RAP1GAP2: variants seen among roughly 807,000 people sequenced by gnomAD.
RAP1GAP2 encodes rap1 GTPase-activating protein 2.
In RAP1GAP2, 27 loss-of-function variants were observed where a neutral mutation model predicts 95.0. The ratio of observed to expected loss-of-function variants is 0.28; its 90% CI spans 0.21 to 0.39. The LOEUF is 0.39. Ranked by LOEUF, RAP1GAP2 falls within the 10% of genes least tolerant of loss-of-function variation. The pLI is 1.00. For missense variants in RAP1GAP2, 771 were observed against 970.0 expected (o/e 0.79, Z 2.72); for synonymous variants, 373 against 380.9 (o/e 0.98, Z 0.24).
rs375247536 is a variant in RAP1GAP2, at chr17:2,965,593, C to T, written c.546C>T (p.Ser182=). The change falls in exon 8 of 25, where the codon TCC becomes TCT. Residue 182 remains serine, a synonymous_variant. Coordinates refer to ENST00000254695, the MANE Select transcript of RAP1GAP2 (RefSeq NM_015085.5). This position sits in a 1 kb window ranked among gnomAD's most constrained non-coding sequence, Gnocchi z 4.7. ...GCAGCCTGGGGAACTTGATCCTGTC[C>T]GTCAAGTGCGAGGAAGCAGAGGGGA... ...TGSSLGNLIL[S]VKCEEAEGIE... The T allele has an allele frequency of 4.7e-5, 75 of 1,612,638 alleles. No homozygotes were observed. Among genetic ancestry groups the T allele is most frequent in the Middle Eastern group, 1.7e-4 (1 of 5,922 alleles).
intron 2 of RAP1GAP2, among the ~76,000 whole-genome samples, chr17:2,824,252 A>G (rs1436661472): frequency 6.6e-6 from 1 of 151,858 alleles, no homozygotes; most frequent in African/African-American, 2.4e-5. Context: ...GTTCGAGACC[A>G]GCCTGGCCAA....
intron 2 of RAP1GAP2, among the ~76,000 whole-genome samples, chr17:2,824,608 T>C (rs1294314412): frequency 1.3e-5 from 2 of 148,628 alleles, no homozygotes; most frequent in African/African-American, 5.0e-5. Context: ...GGCATGGTGG[T>C]GCATGCCTGT....
At chr17:2,973,349 C>G (rs903817021) in intron 8 of RAP1GAP2, among the ~76,000 whole-genome samples, 4 of 152,100 alleles carry the variant, frequency 2.6e-5, no homozygotes, top group African/African-American at 9.7e-5. Flanking sequence ...AACCCTGTCT[C>G]TACTAAAAAT....
At chr17:2,879,175 G>A (rs1348460071) in intron 2 of RAP1GAP2, among the ~76,000 whole-genome samples, 5 of 151,420 alleles carry the variant, frequency 3.3e-5, no homozygotes, top group Admixed American at 1.3e-4. Flanking sequence ...GAGTGCAGTG[G>A]CGTGATCTCA....
At chr17:3,024,423 A>C (rs1303536260) in intron 19 of RAP1GAP2, among the ~76,000 whole-genome samples, 1 of 152,230 alleles carries the variant, frequency 6.6e-6, no homozygotes, top group Non-Finnish European at 1.5e-5. Flanking sequence ...GGAGAAATGG[A>C]AACCCTTGTT....
At position 3,018,056 on chromosome 17, in the gene RAP1GAP2, C is replaced by T. The variant is rs777725492; in HGVS notation, c.1495-5C>T. On this transcript the variant is annotated splice_region_variant and splice_polypyrimidine_tract_variant and intron_variant, in intron 17 of 24. Transcript: ENST00000254695. ...GATTCTCAGGCCCTTGTTCTCTCCC[C>T]GTAGAGGGCCATCCGCGTACGCAGC... The T allele has an allele frequency of 8.9e-6, 14 of 1,577,898 alleles. No homozygotes were observed. Among genetic ancestry groups the T allele is most frequent in the Admixed American group, 5.5e-5 (3 of 54,646 alleles).
At chr17:2,847,672 GC>G (rs1356113198) in intron 2 of RAP1GAP2, among the ~76,000 whole-genome samples, 2 of 152,090 alleles carry the variant, frequency 1.3e-5, no homozygotes, top group African/African-American at 4.8e-5. Flanking sequence ...TTTCCACTCA[GC>G]CTCAGAAACT....
rs182924331 is a variant in RAP1GAP2, at chr17:3,004,618, A to G, written c.1201-751A>G. ...CCATGCAGCGAACCTCGAGGCCGTC[A>G]CTCTAAAGCTCAGTCTCACTCAGGG... On this transcript the variant is annotated intron_variant, in intron 14 of 24. Transcript: ENST00000254695. This position sits in a 1 kb window ranked among gnomAD's most constrained non-coding sequence, Gnocchi z 4.1. Among the ~76,000 whole-genome samples, 1 of 152,138 alleles carries G rather than the reference A, an allele frequency of 6.6e-6. No homozygotes were observed. Among genetic ancestry groups the G allele is most frequent in the African/African-American group, 2.4e-5 (1 of 41,422 alleles).
chr17:2,841,600 C>T (rs2071376516), intron 2 of RAP1GAP2, among the ~76,000 whole-genome samples: 1 of 151,954 alleles, frequency 6.6e-6, no homozygotes, highest in Admixed American at 6.6e-5. Context: ...GCCACCGTGC[C>T]CGGCCGATTT....
chr17:2,917,811 G>A (rs1054008583), intron 3 of RAP1GAP2, among the ~76,000 whole-genome samples: 10 of 152,048 alleles, frequency 6.6e-5, no homozygotes, highest in Admixed American at 2.0e-4. Context: ...CGCTTCCTGG[G>A]TTCAAGTGAT....
chr17:2,999,441 C>A (rs769948887), intron 14 of RAP1GAP2, among the ~76,000 whole-genome samples: 9 of 152,172 alleles, frequency 5.9e-5, no homozygotes, highest in Non-Finnish European at 1.0e-4. Flanking sequence ...TCAAAGCGCT[C>A]CCTGCTCCGC....
At chr17:2,920,869 C>A (rs1018676788) in intron 3 of RAP1GAP2, among the ~76,000 whole-genome samples, 2 of 152,184 alleles carry the variant, frequency 1.3e-5, no homozygotes, top group Admixed American at 1.3e-4. Context: ...TGTTCTGCCA[C>A]CCACCCCCAT....
chr17:2,980,807 G>A (rs1228510463), intron 9 of RAP1GAP2, among the ~76,000 whole-genome samples: 1 of 152,152 alleles, frequency 6.6e-6, no homozygotes, highest in East Asian at 1.9e-4. Context: ...AGGAGGCTGC[G>A]AACCTGAGAA....
At chr17:2,780,801 T>C (rs2068628426) in intron 1 of RAP1GAP2, among the ~76,000 whole-genome samples, 3 of 152,264 alleles carry the variant, frequency 2.0e-5, no homozygotes, top group Admixed American at 1.3e-4. Context: ...GATACTAGCC[T>C]ATTCATCTGC....
chr17:3,002,897 GGT>G (rs139986156), intron 14 of RAP1GAP2, among the ~76,000 whole-genome samples: 2 of 151,528 alleles, frequency 1.3e-5, no homozygotes, highest in Non-Finnish European at 2.9e-5. Context: ...GGCGTGCTTG[GGT>G]GTGTGTGTGT....
In RAP1GAP2 at chr17:2,815,645, CTA is replaced by C. The variant is rs1481208422; in HGVS notation, c.80+15096_80+15097del. ...TACAGGCGCGCACCACCACGCCCAG[CTA>C]ATTTTTGTATTTTTAGTAGAGATGG... On this transcript the variant is annotated intron_variant, in intron 2 of 24. Coordinates refer to ENST00000254695, the MANE Select transcript of RAP1GAP2 (RefSeq NM_015085.5). Among the ~76,000 whole-genome samples the C allele has an allele frequency of 2.0e-5, 3 of 152,022 alleles. No individual in the cohort carries two copies. In the East Asian group the frequency reaches 5.8e-4, roughly 29 times the overall value.
intron 3 of RAP1GAP2, among the ~76,000 whole-genome samples, chr17:2,914,807 T>TA (rs1427659632): frequency 2.7e-5 from 4 of 146,042 alleles, no homozygotes; most frequent in African/African-American, 1.0e-4. Flanking sequence ...TTTTTTTTTT[T>TA]TTGAGACGGA....
chr17:2,800,638 C>A, intron 2 of RAP1GAP2, 88 bp downstream of exon 2: 1 of 1,368,706 alleles, frequency 7.3e-7, no homozygotes, highest in Non-Finnish European at 1.0e-6. Flanking sequence ...GTGGGAGACA[C>A]AAGAGGGGCT....
At chr17:2,838,979 T>C (rs2071261164) in intron 2 of RAP1GAP2, among the ~76,000 whole-genome samples, 1 of 152,160 alleles carries the variant, frequency 6.6e-6, no homozygotes. Context: ...TTACCTTTTT[T>C]CTGGTAGACA....
Sources: allele counts gnomAD v4.1 joint callset (sites outside exome capture counted in the v4.1 genomes callset), GRCh38; gene constraint gnomAD v4.1.1; non-coding constraint Gnocchi (gnomAD v3.1); transcripts MANE v1.5; gene names NCBI Gene and HGNC (gene_info 2026-07-23, HGNC 2026-07-21).